The following IFT70A variants were observed in gnomAD, a reference collection of about 807,000 sequenced individuals.
IFT70A encodes the protein intraflagellar transport protein 70A.
At chr2:177,618,438 G>A in the IFT70A span, 2 of 1,607,486 alleles carry the variant, frequency 1.2e-6, no homozygotes, top group Non-Finnish European at 1.7e-6. Context: ...CCTTGTACAG[G>A]GCCTGGGCCT....
At chr2:177,613,029 C>T in the IFT70A span, 1 of 152,182 alleles carries the variant, frequency 6.6e-6, no homozygotes, top group African/African-American at 2.4e-5. Context: ...ATGATTATTT[C>T]CAGAACCATT....
At chr2:177,617,800 C>A in the IFT70A span, 2 of 1,614,132 alleles carry the variant, frequency 1.2e-6, no homozygotes, top group Admixed American at 1.7e-5. Context: ...TTCTGTAGGC[C>A]TGGCATCCAT....
chr2:177,617,283 G>A, the IFT70A span: 53 of 1,574,178 alleles, frequency 3.4e-5, no homozygotes, highest in Non-Finnish European at 4.4e-5. Context: ...CTTTGTATTT[G>A]TTTTCCTGCA....
At chr2:177,617,599 C>A in the IFT70A span, 2 of 1,614,068 alleles carry the variant, frequency 1.2e-6, no homozygotes, top group Non-Finnish European at 1.7e-6. Context: ...AGCTGTCTGG[C>A]AAGTGATCAG....
chr2:177,617,800 C>T, the IFT70A span: 42 of 1,614,014 alleles, frequency 2.6e-5, no homozygotes, highest in Non-Finnish European at 3.4e-5. Context: ...TTCTGTAGGC[C>T]TGGCATCCAT....
At chr2:177,618,686 C>A in the IFT70A span, 32 of 1,585,682 alleles carry the variant, frequency 2.0e-5, no homozygotes, top group African/African-American at 3.1e-4. Flanking sequence ...ATCTGCGCGC[C>A]GCTCAGACCA....
At chr2:177,618,438 G>T in the IFT70A span, 41 of 1,607,486 alleles carry the variant, frequency 2.6e-5, no homozygotes, top group Non-Finnish European at 3.5e-5. Flanking sequence ...CCTTGTACAG[G>T]GCCTGGGCCT....
chr2:177,617,668 TC>T, the IFT70A span: 1 of 1,614,224 alleles, frequency 6.2e-7, no homozygotes, highest in South Asian at 1.1e-5. Flanking sequence ...ATGGGCATTT[TC>T]TGCCAGGACA....
At chr2:177,618,119 C>T in the IFT70A span, 7 of 1,614,058 alleles carry the variant, frequency 4.3e-6, no homozygotes, top group Non-Finnish European at 5.1e-6. Flanking sequence ...TAGGCCAAAG[C>T]CAGGTTGTAG....
chr2:177,616,657 G>A, the IFT70A span: 2 of 1,426,330 alleles, frequency 1.4e-6, no homozygotes, highest in Non-Finnish European at 9.3e-7. Context: ...AAAAAAAAGT[G>A]TGGTACGTAA....
chr2:177,618,543 G>A, the IFT70A span: 1 of 1,594,408 alleles, frequency 6.3e-7, no homozygotes, highest in Non-Finnish European at 8.5e-7. Context: ...GGTAGTAGCA[G>A]TAGCCTAGCA....
the IFT70A span, chr2:177,613,929 C>T: frequency 6.6e-6 from 1 of 152,144 alleles, no homozygotes; most frequent in Non-Finnish European, 1.5e-5. Context: ...AAGTTATTGG[C>T]AGGTCTCACT....
At chr2:177,618,090 A>C in the IFT70A span, 37 of 1,614,088 alleles carry the variant, frequency 2.3e-5, no homozygotes, top group Non-Finnish European at 3.0e-5. Flanking sequence ...GTGCTGAGGC[A>C]TACTGTCGGC....
chr2:177,616,333 T>C, the IFT70A span: 3 of 163,360 alleles, frequency 1.8e-5, no homozygotes, highest in Non-Finnish European at 3.9e-5. Context: ...TACATATCAG[T>C]GACCAAATGC....
At chr2:177,617,883 G>A in the IFT70A span, 2 of 1,614,072 alleles carry the variant, frequency 1.2e-6, no homozygotes, top group South Asian at 1.1e-5. Flanking sequence ...TGTCGGTGAG[G>A]GTTTCTTGAG....
At chr2:177,617,413 T>TG in the IFT70A span, 1 of 1,594,342 alleles carries the variant, frequency 6.3e-7, no homozygotes, top group African/African-American at 1.4e-5. Context: ...GATTTTTGCC[T>TG]GAGCCATCAA....
At chr2:177,616,800 G>A in the IFT70A span, 92 of 1,597,682 alleles carry the variant, frequency 5.8e-5, no homozygotes, top group Non-Finnish European at 3.7e-5. Flanking sequence ...TTTCTTCTTC[G>A]AGGGGTTGTT....
the IFT70A span, chr2:177,616,915 T>C: frequency 6.3e-7 from 1 of 1,597,124 alleles, no homozygotes; most frequent in Non-Finnish European, 8.5e-7. Flanking sequence ...TTTTGACATG[T>C]TTTCTAACAA....
the IFT70A span, chr2:177,618,253 C>A: frequency 6.2e-7 from 1 of 1,614,250 alleles, no homozygotes; most frequent in Non-Finnish European, 8.5e-7. Flanking sequence ...CTCATTGTCG[C>A]CTCCACTTTC....
Sources: allele counts gnomAD v4.1 joint callset, GRCh38; gene constraint gnomAD v4.1.1; transcripts MANE v1.5; gene names NCBI Gene and HGNC (gene_info 2026-07-23, HGNC 2026-07-21).